The following MKNK1 variants were observed in gnomAD, a reference collection of about 807,000 sequenced individuals.
The protein encoded by MKNK1 is MAPK interacting serine/threonine kinase 1, also known as MAP kinase-interacting serine/threonine-protein kinase 1.
In MKNK1, 30 loss-of-function variants were observed where a neutral mutation model predicts 49.3. The observed-to-expected ratio is 0.61, with a 90% CI of 0.46 to 0.83. The LOEUF is 0.83. Ranked by LOEUF, MKNK1 falls within the 40% of genes least tolerant of loss-of-function variation. The pLI is 0.00. For missense variants in MKNK1, 423 were observed against 524.7 expected, an observed-to-expected ratio of 0.81 and a Z score of 1.89; for synonymous variants, 176 against 201.7, an observed-to-expected ratio of 0.87 and a Z score of 1.08.
At chr1:46,601,571 C>T (rs573670624) in intron 1 of MKNK1, among the ~76,000 whole-genome samples, 2 of 152,310 alleles carry the variant, frequency 1.3e-5, no homozygotes, top group South Asian at 4.1e-4. Flanking sequence ...AAGACAAGAG[C>T]CTGAAAACAA....
At chr1:46,578,746 C>T (rs1671337514) in intron 4 of MKNK1, among the ~76,000 whole-genome samples, 1 of 151,590 alleles carries the variant, frequency 6.6e-6, no homozygotes, top group South Asian at 2.1e-4. Flanking sequence ...GCCACCACAC[C>T]AGGCTAACAT....
At chr1:46,561,210 G>A (rs966444513) in intron 11 of MKNK1, among the ~76,000 whole-genome samples, 11 of 152,192 alleles carry the variant, frequency 7.2e-5, no homozygotes, top group Admixed American at 2.0e-4. Flanking sequence ...GGATGCTTGC[G>A]GGGCTGGGTG....
At chr1:46,593,256 T>A (rs1433416835) in intron 2 of MKNK1, among the ~76,000 whole-genome samples, 2 of 152,224 alleles carry the variant, frequency 1.3e-5, no homozygotes, top group East Asian at 1.9e-4. Context: ...TGGAGTGCAG[T>A]GGCACAATCT....
chr1:46,576,452 T>TCCCC, intron 5 of MKNK1, 123 bp downstream of exon 5: 1 of 763,632 alleles, frequency 1.3e-6, no homozygotes, highest in South Asian at 1.5e-5. Context: ...CGGAAGGAGG[T>TCCCC]ACCTGCCTTG....
At chr1:46,580,918 A>G (rs1016407870) in intron 3 of MKNK1, among the ~76,000 whole-genome samples, 1 of 152,166 alleles carries the variant, frequency 6.6e-6, no homozygotes, top group Non-Finnish European at 1.5e-5. Flanking sequence ...AGACAGCATA[A>G]CAGAGTAAGG....
intron 2 of MKNK1, among the ~76,000 whole-genome samples, chr1:46,592,055 C>T (rs1673414484): frequency 6.6e-6 from 1 of 152,136 alleles, no homozygotes; most frequent in African/African-American, 2.4e-5. Context: ...GCCTGGCCAA[C>T]ATGGCAAAAC....
intron 8 of MKNK1, 53 bp from the exon 9 acceptor site, chr1:46,565,189 G>A: frequency 6.5e-7 from 1 of 1,539,430 alleles, no homozygotes; most frequent in Non-Finnish European, 9.0e-7. Flanking sequence ...TACGGGGCAA[G>A]AGGAGCCAGG....
intron 4 of MKNK1, among the ~76,000 whole-genome samples, chr1:46,578,231 G>C (rs564868179): frequency 9.2e-5 from 14 of 152,292 alleles, no homozygotes; most frequent in Non-Finnish European, 1.8e-4. Flanking sequence ...GGAAATTCAG[G>C]GTTATCTTGA....
At chr1:46,581,435 G>A (rs1349848289) in intron 3 of MKNK1, among the ~76,000 whole-genome samples, 1 of 147,116 alleles carries the variant, frequency 6.8e-6, no homozygotes, top group Admixed American at 7.0e-5. Flanking sequence ...GCTTGAACCC[G>A]AGAGGCGGAG....
chr1:46,587,687 C>T (rs1342397019), intron 2 of MKNK1, among the ~76,000 whole-genome samples: 1 of 152,092 alleles, frequency 6.6e-6, no homozygotes, highest in Non-Finnish European at 1.5e-5. Context: ...CATGGTGGTG[C>T]ATGCCTGTAA....
intron 9 of MKNK1, among the ~76,000 whole-genome samples, chr1:46,563,812 G>A (rs1238376176): frequency 6.6e-6 from 1 of 152,068 alleles, no homozygotes; most frequent in Non-Finnish European, 1.5e-5. Flanking sequence ...TTGGGAGGCC[G>A]AGGCGGGTGG....
chr1:46,566,953 GATA>G (rs1486851247), intron 8 of MKNK1, among the ~76,000 whole-genome samples: 1 of 152,170 alleles, frequency 6.6e-6, no homozygotes, highest in Non-Finnish European at 1.5e-5. Flanking sequence ...TTTCTTGATA[GATA>G]ATGTCCTTTG....
In MKNK1 at chr1:46,562,643, A is replaced by T. The variant is rs1392969488; in HGVS notation, c.804+6T>A. Reference sequence around the variant, plus strand: ...TCTACGCAGTGCTCCCTGGGGCCGCACTCACCTGGCACACCCTGCAGACCT... The same window carrying T: ...TCTACGCAGTGCTCCCTGGGGCCGCTCTCACCTGGCACACCCTGCAGACCT... On this transcript the variant is annotated splice_donor_region_variant and intron_variant, in intron 10 of 12. Transcript: ENST00000371945. The T allele has an allele frequency of 6.4e-7, 1 of 1,550,618 alleles. No individual in the cohort carries two copies. Among genetic ancestry groups the T allele is most frequent in the Non-Finnish European group, 8.7e-7 (1 of 1,147,186 alleles).
intron 4 of MKNK1, among the ~76,000 whole-genome samples, chr1:46,577,218 C>T (rs1671101891): frequency 6.6e-6 from 1 of 152,174 alleles, no homozygotes; most frequent in African/African-American, 2.4e-5. Context: ...GTGACTCACA[C>T]CTGTAATCCC....
chr1:46,567,535 G>A (rs929022544), intron 8 of MKNK1, among the ~76,000 whole-genome samples: 5 of 152,114 alleles, frequency 3.3e-5, no homozygotes, highest in African/African-American at 7.2e-5. Flanking sequence ...AAAGGTCTAC[G>A]ACAGAATCAG....
rs1670264603 is a variant in MKNK1 at position 46,572,134 on chromosome 1, T to A, written c.386A>T (p.His129Leu). ...SILAHIQKQK[H>L]FNEREASRVV... Reference sequence around the variant, plus strand: ...TCGGCTGGCTTCTCGCTCATTGAAGTGCTTTTGCTTCTGGATGTGGGCTAA... The same window carrying A: ...TCGGCTGGCTTCTCGCTCATTGAAGAGCTTTTGCTTCTGGATGTGGGCTAA... Residue 129 changes from histidine (H) to leucine (L), a missense_variant, in exon 7 of 13, where the codon CAC (histidine) becomes CTC (leucine). Transcript: ENST00000371945. The A allele has an allele frequency of 1.9e-6, 3 of 1,614,136 alleles. No homozygotes were observed. The highest frequency in any genetic ancestry group is 2.5e-6 in the Non-Finnish European group (3 of 1,180,002).
At chr1:46,561,740 T>G in intron 10 of MKNK1, 98 bp from the exon 11 acceptor site, 540 of 1,235,750 alleles carry the variant, frequency 4.4e-4, no homozygotes, top group Non-Finnish European at 5.4e-4. Context: ...ATCTCAGCTG[T>G]AGCTGCAGCT....
intron 8 of MKNK1, chr1:46,568,116 C>T (rs1055527677): frequency 4.1e-5 from 9 of 217,848 alleles, no homozygotes; most frequent in Admixed American, 3.4e-4. Context: ...AGTGAGACCC[C>T]GTCTCAAAAA....
chr1:46,572,112 G>T lies in MKNK1; in HGVS notation c.408C>A (p.Ser136Arg). Residue 136 changes from serine (S) to arginine (R), a missense_variant, in exon 7 of 13, where the codon AGC (serine) becomes AGA (arginine). Physicochemically the swap from Ser to Arg is moderately radical, Grantham distance 110. Transcript: ENST00000371945. ...CAGCAGCAACGTCCCGCACCACTCGGCTGGCTTCTCGCTCATTGAAGTGCT... is the reference window on the plus strand; with the variant it reads ...CAGCAGCAACGTCCCGCACCACTCGTCTGGCTTCTCGCTCATTGAAGTGCT... Reference protein sequence around the residue: ...KQKHFNEREASRVVRDVAAAL... With the variant: ...KQKHFNEREARRVVRDVAAAL... 6.2e-7 allele frequency: 1 copy of T among 1,614,188 alleles called. No individual in the cohort carries two copies. Among genetic ancestry groups the T allele is most frequent in the Non-Finnish European group, 8.5e-7 (1 of 1,180,010 alleles).
Sources: gnomAD v4.1 joint callset for allele counts (sites outside exome capture counted in the v4.1 genomes callset) on GRCh38, gnomAD v4.1.1 for gene constraint, MANE v1.5 for transcripts, NCBI Gene and HGNC (gene_info 2026-07-23, HGNC 2026-07-21) for gene names.